Variants in GSG1 observed in about 807,000 individuals in gnomAD.
GSG1 encodes germ cell-specific gene 1 protein.
GSG1 carries 28 observed loss-of-function variants against 30.8 expected under a neutral mutation model. The observed-to-expected ratio is 0.91, with a 90% CI of 0.67 to 1.25. The LOEUF (loss-of-function observed/expected upper bound fraction) is 1.25. GSG1 is among the 50% of genes most tolerant of loss of function. The pLI is 0.00. For missense variants in GSG1, 435 were observed against 444.7 expected (o/e 0.98, Z 0.20); for synonymous variants, 162 against 178.0 (o/e 0.91, Z 0.71).
At chr12:13,098,170 G>C (rs995827453) in intron 1 of GSG1, among the ~76,000 whole-genome samples, 3 of 151,378 alleles carry the variant, frequency 2.0e-5, no homozygotes, top group African/African-American at 7.3e-5. Context: ...TTGCATTGGC[G>C]GTTGGTTTCC....
At chr12:13,085,281 T>G (rs766153338) in intron 6 of GSG1, 38 bp from the exon 7 acceptor site, 3 of 1,539,646 alleles carry the variant, frequency 1.9e-6, no homozygotes, top group Non-Finnish European at 2.6e-6. Flanking sequence ...ACAGTAAGAA[T>G]AGGACTTTCT....
intron 4 of GSG1, 135 bp from the exon 5 acceptor site, chr12:13,088,194 C>G (rs1865726311): frequency 1.1e-6 from 1 of 900,702 alleles, no homozygotes; most frequent in African/African-American, 1.7e-5. Flanking sequence ...ACAGCTGAAA[C>G]CAGGGAGGAA....
intron 6 of GSG1, among the ~76,000 whole-genome samples, chr12:13,086,372 C>G (rs1479211981): frequency 6.6e-6 from 1 of 152,172 alleles, no homozygotes; most frequent in Non-Finnish European, 1.5e-5. Flanking sequence ...GGCCTCACAA[C>G]AGACTTGCAG....
At chr12:13,088,131 AT>A in intron 4 of GSG1, 72 bp from the exon 5 acceptor site, 1 of 1,562,114 alleles carries the variant, frequency 6.4e-7, no homozygotes, top group Non-Finnish European at 8.8e-7. Flanking sequence ...TGAGCATAGG[AT>A]GCCTATTAGG....
At position 13,101,395 on chromosome 12, in the gene GSG1, A is replaced by G. The variant is rs1013925223; in HGVS notation, c.48+2070T>C. 1.3e-5 allele frequency among the ~76,000 whole-genome samples: 2 copies of G among 152,158 alleles called. No homozygotes were observed. The highest frequency in any genetic ancestry group is 6.5e-5 in the Admixed American group (1 of 15,282). On this transcript the variant is annotated intron_variant, in intron 1 of 6. Coordinates refer to ENST00000651961, the MANE Select transcript of GSG1 (RefSeq NM_001080555.4). This position sits in a 1 kb window ranked among gnomAD's most constrained non-coding sequence, Gnocchi z 5.8. ...CCCGCCCCGCGGCCGCCAACCACCC[A>G]TGGCTTCCTGACCGGGTCGGGCGGG...
rs145201055 is a variant in GSG1 at position 13,090,703 on chromosome 12, G to A, written c.164C>T (p.Thr55Ile). 6.2e-7 allele frequency: 1 copy of A among 1,614,126 alleles called. No homozygotes were observed. The highest frequency in any genetic ancestry group is 8.5e-7 in the Non-Finnish European group (1 of 1,180,050). ...GCACAGGGGCTTGGGCACCTTCTGT[G>A]TGCCCACAAACCAGTAGTTGCTGAG... ...SLLSNYWFVG[T>I]QKVPKPLCEK... The change falls in exon 2 of 7, where the codon ACA (threonine) becomes ATA (isoleucine). Residue 55 changes from threonine to isoleucine, a missense_variant. Physicochemically the swap from Thr to Ile is moderately conservative, Grantham distance 89. Transcript: ENST00000651961.
At chr12:13,091,181 C>T (rs1866100680) in intron 1 of GSG1, among the ~76,000 whole-genome samples, 1 of 152,170 alleles carries the variant, frequency 6.6e-6, no homozygotes, top group Non-Finnish European at 1.5e-5. Flanking sequence ...GAGTCCCTTT[C>T]CCCAGAGCCA....
In GSG1 at chr12:13,093,499, T is replaced by C. The variant is rs1009377832; in HGVS notation, c.49-2681A>G. ...GTGAACCTACTGGGATGTGGGGCTATTGAAACCTTTGGAAAGGAGATGGGG... is the reference window on the plus strand; with the variant it reads ...GTGAACCTACTGGGATGTGGGGCTACTGAAACCTTTGGAAAGGAGATGGGG... On this transcript the variant is annotated intron_variant, in intron 1 of 6. Coordinates refer to ENST00000651961, the MANE Select transcript of GSG1 (RefSeq NM_001080555.4). This position sits in a 1 kb window ranked among gnomAD's most constrained non-coding sequence, Gnocchi z 4.6. 2.6e-5 allele frequency among the ~76,000 whole-genome samples: 4 copies of C among 152,170 alleles called. No homozygotes were observed. Among genetic ancestry groups the C allele is most frequent in the Admixed American group, 6.5e-5 (1 of 15,278 alleles).
rs1052811539 is a variant in GSG1 at position 13,093,760 on chromosome 12, A to G, written c.49-2942T>C. 6.6e-6 allele frequency among the ~76,000 whole-genome samples: 1 copy of G among 152,128 alleles called. No individual in the cohort carries two copies. The highest frequency in any genetic ancestry group is 2.4e-5 in the African/African-American group (1 of 41,432). Reference sequence around the variant, plus strand: ...AGTGCCTGCCTCACAGTGGGGACATAGGGGAGGCTGCCGAAAGAACTGAGG... The same window carrying G: ...AGTGCCTGCCTCACAGTGGGGACATGGGGGAGGCTGCCGAAAGAACTGAGG... On this transcript the variant is annotated intron_variant, in intron 1 of 6. Coordinates refer to ENST00000651961, the MANE Select transcript of GSG1 (RefSeq NM_001080555.4). The surrounding 1 kb of genome is among the most constrained non-coding windows in gnomAD (Gnocchi z 4.6).
chr12:13,099,759 T>TTTTTG (rs1863044497), intron 1 of GSG1, among the ~76,000 whole-genome samples: 2 of 144,798 alleles, frequency 1.4e-5, no homozygotes, highest in East Asian at 4.1e-4. Context: ...TGTTTTTTTT[T>TTTTTG]TTTTTTTTTG....
rs1022912088 is a variant in GSG1, at chr12:13,093,876, C to T, written c.49-3058G>A. ...AAGCTAAAATATGACTGGTATTAGA[C>T]GGCCAACTTTGCTGAGTGGTGGCTT... On this transcript the variant is annotated intron_variant, in intron 1 of 6. Transcript: ENST00000651961. The surrounding 1 kb of genome is among the most constrained non-coding windows in gnomAD (Gnocchi z 4.6). Among the ~76,000 whole-genome samples, 3 of 152,210 alleles carry T rather than the reference C, an allele frequency of 2.0e-5. No individual in the cohort carries two copies. The highest frequency in any genetic ancestry group is 2.1e-4 in the South Asian group (1 of 4,832).
In GSG1 at chr12:13,101,059, C is replaced by T. The variant is rs1863155461; in HGVS notation, c.48+2406G>A. Among the ~76,000 whole-genome samples, 1 of 152,224 alleles carries T rather than the reference C, an allele frequency of 6.6e-6. No individual in the cohort carries two copies. The highest frequency in any genetic ancestry group is 2.1e-4 in the South Asian group (1 of 4,828). On this transcript the variant is annotated intron_variant, in intron 1 of 6. Transcript: ENST00000651961. The surrounding 1 kb of genome is among the most constrained non-coding windows in gnomAD (Gnocchi z 5.8). ...GAGGAAGCCGCCTTTCTTCCAGGCC[C>T]CAAGCAGCTGGAGTGAATCAGAGGG...
chr12:13,098,943 C>T (rs1351382605), intron 1 of GSG1, among the ~76,000 whole-genome samples: 2 of 152,174 alleles, frequency 1.3e-5, no homozygotes, highest in Non-Finnish European at 2.9e-5. Flanking sequence ...TCCACCTCTT[C>T]TAAAACCTTG....
chr12:13,102,990 A>G (rs1863325598), intron 1 of GSG1, among the ~76,000 whole-genome samples: 1 of 152,266 alleles, frequency 6.6e-6, no homozygotes, highest in South Asian at 2.1e-4. Flanking sequence ...GCCTTCCAGC[A>G]GGACCTTGGG....
At chr12:13,092,814 G>A (rs924802258) in intron 1 of GSG1, among the ~76,000 whole-genome samples, 3 of 149,316 alleles carry the variant, frequency 2.0e-5, no homozygotes, top group Admixed American at 6.7e-5. Context: ...TTATTGAGAC[G>A]GAGTGTCACT....
chr12:13,096,314 A>G (rs964100892), intron 1 of GSG1, among the ~76,000 whole-genome samples: 1 of 152,054 alleles, frequency 6.6e-6, no homozygotes, highest in South Asian at 2.1e-4. Flanking sequence ...TCTACTAAAA[A>G]CACAAAAAAA....
chr12:13,090,479 C>T, intron 2 of GSG1, 24 bp downstream of exon 2: 1 of 1,591,926 alleles, frequency 6.3e-7, no homozygotes, highest in Non-Finnish European at 8.6e-7. Context: ...CCCCGTTGCT[C>T]TTATATCCCA....
chr12:13,098,456 A>AGTT (rs1862906189), intron 1 of GSG1, among the ~76,000 whole-genome samples: 1 of 47,384 alleles, frequency 2.1e-5, no homozygotes, highest in Non-Finnish European at 3.8e-5. Flanking sequence ...CATGTAGCCC[A>AGTT]TTTTTTTTTT....
In GSG1 at chr12:13,093,701, A is replaced by G. The variant is rs1866384605; in HGVS notation, c.49-2883T>C. On this transcript the variant is annotated intron_variant, in intron 1 of 6. Coordinates refer to ENST00000651961, the MANE Select transcript of GSG1 (RefSeq NM_001080555.4). The surrounding 1 kb of genome is among the most constrained non-coding windows in gnomAD (Gnocchi z 4.6). Reference sequence around the variant, plus strand: ...CCAAGCCCTTGGTCAGTGGAGAGGAACCTGGAGGGCCGTGTCTTCCAGCCT... The same window carrying G: ...CCAAGCCCTTGGTCAGTGGAGAGGAGCCTGGAGGGCCGTGTCTTCCAGCCT... 6.6e-6 allele frequency among the ~76,000 whole-genome samples: 1 copy of G among 152,102 alleles called. No individual in the cohort carries two copies.
Sources: allele counts gnomAD v4.1 joint callset (sites outside exome capture counted in the v4.1 genomes callset), GRCh38; gene constraint gnomAD v4.1.1; non-coding constraint Gnocchi (gnomAD v3.1); transcripts MANE v1.5; gene names NCBI Gene and HGNC (gene_info 2026-07-23, HGNC 2026-07-21).